Variants in PRIM2 observed in about 807,000 individuals in gnomAD.
PRIM2 encodes the protein DNA primase large subunit.
A neutral mutation model predicts 67.3 loss-of-function variants in PRIM2; 39 were observed. The observed-to-expected ratio is 0.58, with a 90% CI of 0.45 to 0.76. The LOEUF (loss-of-function observed/expected upper bound fraction) is 0.76. Among genes scored for constraint, PRIM2 ranks in the 30% least tolerant of loss-of-function variants. The pLI, the probability that PRIM2 is intolerant of heterozygous loss-of-function variation, is 0.00. For synonymous variants in PRIM2, 143 were observed against 198.7 expected (o/e 0.72, Z 2.36); for missense variants, 398 against 598.7 (o/e 0.66, Z 3.50).
chr6:57,371,420 A>G (rs1413221375), intron 5 of PRIM2, among the ~76,000 whole-genome samples: 2 of 152,160 alleles, frequency 1.3e-5, no homozygotes, highest in East Asian at 3.9e-4. Context: ...ACCTAAAACA[A>G]TATTAGGACA....
At position 57,534,458 on chromosome 6, in the gene PRIM2, G is replaced by C. The variant is rs1774958034; in HGVS notation, c.834+1975G>C. 6.8e-4 allele frequency among the ~76,000 whole-genome samples: 104 copies of C among 152,178 alleles called. 2 individuals carry two copies. The highest frequency in any genetic ancestry group is 3.7e-4 in the Non-Finnish European group (25 of 67,994). On this transcript the variant is annotated intron_variant, in intron 9 of 13. Transcript: ENST00000615550. Reference sequence around the variant, plus strand: ...GGACTTATGATTCTTTTGTTTGCTTGTTTTCCATGATCATTTTTCTATCTG... The same window carrying C: ...GGACTTATGATTCTTTTGTTTGCTTCTTTTCCATGATCATTTTTCTATCTG...
intron 7 of PRIM2, among the ~76,000 whole-genome samples, chr6:57,419,375 G>A (rs1459066127): frequency 4.5e-4 from 68 of 152,336 alleles, no homozygotes; most frequent in Non-Finnish European, 8.7e-4. Context: ...TCACTTTGGT[G>A]TATGTGATAC....
intron 10 of PRIM2, among the ~76,000 whole-genome samples, chr6:57,593,033 A>G (rs1350121899): frequency 8.5e-5 from 13 of 152,168 alleles, no homozygotes; most frequent in Non-Finnish European, 1.8e-4. Context: ...TTGGAACTGG[A>G]TAAAGGTGTG....
In PRIM2 at chr6:57,646,201, T is replaced by C; in HGVS notation, c.*43T>C. On this transcript the variant is annotated 3_prime_UTR_variant, in exon 14 of 14. Transcript: ENST00000615550. ...TTTCCTCAATAGCCTGTTTCCTGTTTTTAAGATTTTGCCTTTGTTGTTGAA... is the reference window on the plus strand; with the variant it reads ...TTTCCTCAATAGCCTGTTTCCTGTTCTTAAGATTTTGCCTTTGTTGTTGAA... 8 of 1,290,316 alleles carry C rather than the reference T, an allele frequency of 6.2e-6. No homozygotes were observed. In the South Asian group the frequency reaches 1.0e-4, roughly 16 times the overall value. 79.9% of individuals were successfully genotyped at this position (1,290,316 alleles called of 1,614,324 possible). A position where few individuals can be genotyped will look rare whatever the true frequency, so the allele number is the denominator to read the frequency against.
At chr6:57,390,941 A>G (rs1236738454) in intron 7 of PRIM2, among the ~76,000 whole-genome samples, 1 of 152,180 alleles carries the variant, frequency 6.6e-6, no homozygotes, top group Non-Finnish European at 1.5e-5. Flanking sequence ...TTCTGCTTTT[A>G]GCTCTTTGAG....
chr6:57,542,638 C>G (rs1348976729), intron 10 of PRIM2, among the ~76,000 whole-genome samples: 1 of 151,452 alleles, frequency 6.6e-6, no homozygotes, highest in Non-Finnish European at 1.5e-5. Context: ...AACATATAGT[C>G]TATATTTTTA....
chr6:57,628,532 G>T (rs1267426521), intron 12 of PRIM2, among the ~76,000 whole-genome samples: 14 of 152,156 alleles, frequency 9.2e-5, no homozygotes, highest in Non-Finnish European at 8.8e-5. Context: ...ACATGTGCAG[G>T]TTTATTATAT....
chr6:57,244,741 C>CA, the PRIM2 span, among the ~76,000 whole-genome samples: 58,634 of 145,726 alleles, frequency 0.4, 12,835 homozygotes, highest in South Asian at 0.51. Context: ...AACTCCATCT[C>CA]AAAAAAAAAA....
chr6:57,430,640 T>C (rs1771794270), intron 7 of PRIM2, among the ~76,000 whole-genome samples: 1 of 151,840 alleles, frequency 6.6e-6, no homozygotes, highest in African/African-American at 2.4e-5. Context: ...TTTGTGTTTT[T>C]AATAGAGATG....
intron 7 of PRIM2, among the ~76,000 whole-genome samples, chr6:57,485,618 G>A (rs2127407191): frequency 6.6e-6 from 1 of 152,296 alleles, no homozygotes; most frequent in Non-Finnish European, 1.5e-5. Context: ...GGAAAAAAAT[G>A]TATGTCTATA....
intron 8 of PRIM2, among the ~76,000 whole-genome samples, chr6:57,516,665 T>G (rs1263596407): frequency 1.3e-5 from 2 of 152,202 alleles, no homozygotes; most frequent in Non-Finnish European, 2.9e-5. Context: ...GTGGCTGAGA[T>G]GTACTGGTTA....
intron 8 of PRIM2, among the ~76,000 whole-genome samples, chr6:57,513,015 C>T (rs1466127529): frequency 1.1e-4 from 17 of 152,100 alleles, no homozygotes; most frequent in South Asian, 4.1e-4. Context: ...ATACCAGGAA[C>T]TTTTCTATTG....
At chr6:57,572,198 A>T (rs1318416853) in intron 10 of PRIM2, among the ~76,000 whole-genome samples, 6 of 152,214 alleles carry the variant, frequency 3.9e-5, no homozygotes, top group Non-Finnish European at 7.3e-5. Context: ...GATGCTGTCA[A>T]TGTAGTATAG....
chr6:57,423,766 G>A (rs745593649), intron 7 of PRIM2, among the ~76,000 whole-genome samples: 1 of 152,162 alleles, frequency 6.6e-6, no homozygotes, highest in Non-Finnish European at 1.5e-5. Context: ...TGCCTGGTGG[G>A]TATATCCCCT....
intron 7 of PRIM2, among the ~76,000 whole-genome samples, chr6:57,477,017 G>A (rs1375818733): frequency 6.6e-6 from 1 of 152,092 alleles, no homozygotes; most frequent in Non-Finnish European, 1.5e-5. Context: ...TATTTATTGG[G>A]CCTCACTCTG....
intron 7 of PRIM2, among the ~76,000 whole-genome samples, chr6:57,410,610 A>T (rs1323956273): frequency 6.6e-6 from 1 of 151,820 alleles, no homozygotes; most frequent in Admixed American, 6.6e-5. Context: ...AACTATGCTA[A>T]ACTTATTAAT....
intron 8 of PRIM2, among the ~76,000 whole-genome samples, chr6:57,519,260 A>T (rs1168530926): frequency 6.6e-6 from 1 of 152,224 alleles, no homozygotes; most frequent in Non-Finnish European, 1.5e-5. Context: ...GCATCTTATC[A>T]GGAGACGGGT....
In PRIM2 at chr6:57,601,223, A is replaced by C. The variant is rs1472392730; in HGVS notation, c.1147+4A>C. 1 of 1,601,750 alleles carries C rather than the reference A, an allele frequency of 6.2e-7. No individual in the cohort carries two copies. The highest frequency in any genetic ancestry group is 8.5e-7 in the Non-Finnish European group (1 of 1,175,360). ...CCAAGCCAAGGGGATTATCATGGTAAGTGCCTCCACTGGATATGTTGGCCA... is the reference window on the plus strand; with the variant it reads ...CCAAGCCAAGGGGATTATCATGGTACGTGCCTCCACTGGATATGTTGGCCA... On this transcript the variant is annotated splice_donor_region_variant and intron_variant, in intron 11 of 13. Transcript: ENST00000615550.
chr6:57,314,831 G>A (rs1468135562), upstream of PRIM2: 1 of 152,214 alleles, frequency 6.6e-6, no homozygotes, highest in Admixed American at 6.5e-5. Context: ...CTGCTGAAAT[G>A]TATAACATTA....
Sources: gnomAD v4.1 joint callset for allele counts (sites outside exome capture counted in the v4.1 genomes callset) on GRCh38, gnomAD v4.1.1 for gene constraint, MANE v1.5 for transcripts, NCBI Gene and HGNC (gene_info 2026-07-23, HGNC 2026-07-21) for gene names.